Variants in DCAF4 observed in about 807,000 individuals in gnomAD.
The protein encoded by DCAF4 is DDB1- and CUL4-associated factor 4.
Under a neutral mutation model 60.9 loss-of-function variants are expected in DCAF4, and 37 were observed. The ratio of observed to expected loss-of-function variants is 0.61; its 90% confidence interval spans 0.47 to 0.80. The LOEUF (loss-of-function observed/expected upper bound fraction) is 0.80. Among genes scored for constraint, DCAF4 ranks in the 30% least tolerant of loss-of-function variants. DCAF4 has a pLI of 0.00. For missense variants in DCAF4, 577 were observed against 650.0 expected, an observed-to-expected ratio of 0.89 and a Z score of 1.22; for synonymous variants, 243 against 254.8, an observed-to-expected ratio of 0.95 and a Z score of 0.44.
chr14:72,953,778 TTATTTGTG>T lies in DCAF4; in HGVS notation c.809-384_809-377del, dbSNP rs1283243264. ...ATATATATATAGTTTATTTATTTATTTATTTGTGTGTGTGTGTGTGTGTGTGTGTGTGT... is the reference window on the plus strand; with the variant it reads ...ATATATATATAGTTTATTTATTTATTTGTGTGTGTGTGTGTGTGTGTGTGT... On this transcript the variant is annotated intron_variant, in intron 9 of 13. Coordinates refer to ENST00000358377, the MANE Select transcript of DCAF4 (RefSeq NM_015604.4). Among the ~76,000 whole-genome samples, 74 of 32,376 alleles carry T rather than the reference TTATTTGTG, an allele frequency of 2.3e-3. 3 individuals carry two copies. Among genetic ancestry groups the T allele is most frequent in the African/African-American group, 4.4e-3 (44 of 10,044 alleles). The allele number at this position is 32,376 out of a possible 152,430, so 21.2% of individuals were successfully genotyped here.
chr14:72,956,270 A>G (rs368846748), intron 12 of DCAF4, 116 bp from the exon 13 acceptor site: 3 of 685,404 alleles, frequency 4.4e-6, no homozygotes. Flanking sequence ...CGAGATGGAG[A>G]TCTTCATGAC....
chr14:72,960,540 A>T (rs1433515975), downstream of DCAF4: 1 of 941,396 alleles, frequency 1.1e-6, no homozygotes, highest in Non-Finnish European at 1.3e-6. Flanking sequence ...GGCAGTTTGC[A>T]CTGTGCCCCC....
intron 1 of DCAF4, among the ~76,000 whole-genome samples, chr14:72,937,581 C>T (rs549060495): frequency 3.3e-5 from 5 of 151,860 alleles, no homozygotes; most frequent in South Asian, 2.1e-4. Context: ...TTACAACTCC[C>T]GGCTAATTTT....
chr14:72,958,484 A>G, intron 13 of DCAF4, 128 bp from the exon 14 acceptor site: 1 of 1,060,828 alleles, frequency 9.4e-7, no homozygotes, highest in Non-Finnish European at 1.4e-6. Flanking sequence ...ACTGTCCGTT[A>G]ATGAGTTTGT....
chr14:72,929,720 G>C (rs1888268829), intron 1 of DCAF4: 1 of 1,207,002 alleles, frequency 8.3e-7, no homozygotes, highest in Admixed American at 1.7e-5. Context: ...TGATGAACTT[G>C]AGGGCCCATT....
chr14:72,936,879 T>C (rs8003923), intron 1 of DCAF4, among the ~76,000 whole-genome samples: 142,893 of 152,252 alleles, frequency 0.94, 67,263 homozygotes, highest in East Asian at 1. Flanking sequence ...GCAAAGGATT[T>C]ATTTAGCAAG....
intron 6 of DCAF4, among the ~76,000 whole-genome samples, chr14:72,944,969 G>A (rs1334176551): frequency 1.3e-5 from 2 of 152,154 alleles, no homozygotes; most frequent in Non-Finnish European, 2.9e-5. Context: ...CGCACCTGTA[G>A]TCCCAGCTAC....
chr14:72,933,154 C>T (rs527753878), intron 1 of DCAF4, among the ~76,000 whole-genome samples: 3 of 152,178 alleles, frequency 2.0e-5, no homozygotes, highest in African/African-American at 7.2e-5. Context: ...CTCCTTCTCC[C>T]GAGCTGTGAC....
chr14:72,948,417 T>C (rs765000092), intron 8 of DCAF4, among the ~76,000 whole-genome samples: 7 of 152,218 alleles, frequency 4.6e-5, no homozygotes, highest in Non-Finnish European at 8.8e-5. Flanking sequence ...ATATAAGGCA[T>C]CAAACTATGT....
intron 7 of DCAF4, 23 bp downstream of exon 7, chr14:72,946,050 C>T (rs773240052): frequency 6.2e-7 from 1 of 1,612,008 alleles, no homozygotes; most frequent in Non-Finnish European, 8.5e-7. Flanking sequence ...TCCCTGTAGC[C>T]TCTCTGCACA....
chr14:72,927,222 T>G (rs901327492), intron 1 of DCAF4, among the ~76,000 whole-genome samples: 1 of 152,116 alleles, frequency 6.6e-6, no homozygotes, highest in African/African-American at 2.4e-5. Flanking sequence ...CATTGTCTTG[T>G]GACTCCAGCA....
Position 72,940,382 on chromosome 14 carries a change from G to T in DCAF4, c.351+5G>T, listed in dbSNP as rs1376468088. On this transcript the variant is annotated splice_donor_5th_base_variant and intron_variant, in intron 4 of 13. Transcript: ENST00000358377. Reference sequence around the variant, plus strand: ...GAAGAAGACAGACGGAAAAAGGTGGGCTCCTCACCCCTTCGCCCCCTGTCC... The same window carrying T: ...GAAGAAGACAGACGGAAAAAGGTGGTCTCCTCACCCCTTCGCCCCCTGTCC... The T allele has an allele frequency of 6.2e-7, 1 of 1,607,126 alleles. No individual in the cohort carries two copies. The highest frequency in any genetic ancestry group is 1.3e-5 in the African/African-American group (1 of 74,182).
At chr14:72,938,149 GGT>G (rs974801930) in intron 2 of DCAF4, 79 bp downstream of exon 2, 3 of 1,494,092 alleles carry the variant, frequency 2.0e-6, no homozygotes, top group Admixed American at 4.7e-5. Context: ...CACGATCACA[GGT>G]GTGGAGATCA....
At chr14:72,954,056 A>C in intron 9 of DCAF4, 108 bp from the exon 10 acceptor site, 1 of 1,176,826 alleles carries the variant, frequency 8.5e-7, no homozygotes, top group Non-Finnish European at 1.2e-6. Context: ...GGCCAAAGGT[A>C]TAGACCCTCT....
chr14:72,941,417 G>A (rs533341732), intron 4 of DCAF4, among the ~76,000 whole-genome samples: 1 of 152,300 alleles, frequency 6.6e-6, no homozygotes, highest in South Asian at 2.1e-4. Flanking sequence ...GGGTCACCAC[G>A]GGTGGAATGG....
intron 9 of DCAF4, among the ~76,000 whole-genome samples, chr14:72,952,549 C>A (rs1891546849): frequency 6.6e-6 from 1 of 152,182 alleles, no homozygotes; most frequent in African/African-American, 2.4e-5. Context: ...GAAACTGAGG[C>A]AGACAGTTTC....
Position 72,942,957 on chromosome 14 carries a change from G to A in DCAF4, c.432-37G>A, listed in dbSNP as rs112783045. 2.6e-5 allele frequency: 42 copies of A among 1,596,066 alleles called. No individual in the cohort carries two copies. The Middle Eastern group carries it at 5.0e-4, about 19-fold the overall frequency. Reference sequence around the variant, plus strand: ...CCCCGAATCTTCTTCATGGATGTCAGCTTCAGCATCCATGCCCCCACCCTC... The same window carrying A: ...CCCCGAATCTTCTTCATGGATGTCAACTTCAGCATCCATGCCCCCACCCTC... On this transcript the variant is annotated intron_variant, in intron 5 of 13. Coordinates refer to ENST00000358377, the MANE Select transcript of DCAF4 (RefSeq NM_015604.4).
intron 1 of DCAF4, among the ~76,000 whole-genome samples, chr14:72,933,594 T>C (rs1487550870): frequency 6.6e-6 from 1 of 151,512 alleles, no homozygotes; most frequent in Non-Finnish European, 1.5e-5. Context: ...TCTCACTGTA[T>C]ACCATTACCA....
At chr14:72,927,340 GTTCTTTTTTTT>G (rs1451715217) in intron 1 of DCAF4, among the ~76,000 whole-genome samples, 7 of 119,094 alleles carry the variant, frequency 5.9e-5, no homozygotes, top group Admixed American at 3.3e-4. Context: ...TCGCGGTGGT[GTTCTTTTTTTT>G]TTTTTTTTTT....
Sources: allele counts gnomAD v4.1 joint callset (sites outside exome capture counted in the v4.1 genomes callset), GRCh38; gene constraint gnomAD v4.1.1; transcripts MANE v1.5; gene names NCBI Gene and HGNC (gene_info 2026-07-23, HGNC 2026-07-21).